FBXO34: variants seen among roughly 807,000 people sequenced by gnomAD.
FBXO34 encodes F-box protein 34.
A neutral mutation model predicts 24.5 loss-of-function variants in FBXO34; 12 were observed. The observed-to-expected ratio is 0.49, with a 90% CI of 0.31 to 0.79. FBXO34 has a LOEUF of 0.79. FBXO34 is among the 30% of genes least tolerant of loss of function. FBXO34 has a pLI of 0.04. For synonymous variants in FBXO34, 320 were observed against 311.9 expected (o/e 1.03, Z -0.27); for missense variants, 823 against 857.7 (o/e 0.96, Z 0.51).
chr14:55,442,346 G>A, the FBXO34 span, among the ~76,000 whole-genome samples: 2 of 149,796 alleles, frequency 1.3e-5, no homozygotes, highest in Non-Finnish European at 3.0e-5. Flanking sequence ...CCCAGATCAT[G>A]TCACTGCACT....
At chr14:55,372,468 G>A (rs976510206), downstream of FBXO34, among the ~76,000 whole-genome samples, 4 of 152,104 alleles carry the variant, frequency 2.6e-5, no homozygotes, top group Non-Finnish European at 5.9e-5. Flanking sequence ...TGACTGCCAG[G>A]CTAAGTCTCT....
downstream of FBXO34, among the ~76,000 whole-genome samples, chr14:55,371,464 AC>A (rs1204094094): frequency 1.8e-4 from 28 of 152,176 alleles, no homozygotes. Context: ...ATTGGAAGAT[AC>A]GCCATGGGGT....
the FBXO34 span, among the ~76,000 whole-genome samples, chr14:55,398,630 T>C: frequency 1.5e-5 from 2 of 134,860 alleles, no homozygotes; most frequent in Non-Finnish European, 3.3e-5. Context: ...TTACAAAATA[T>C]ATTGTGTGAT....
the FBXO34 span, among the ~76,000 whole-genome samples, chr14:55,402,776 C>T: frequency 2.0e-5 from 3 of 147,078 alleles, no homozygotes; most frequent in Non-Finnish European, 4.5e-5. Flanking sequence ...AAATTAGAAA[C>T]AGGCCAGGTG....
At chr14:55,307,603 C>T (rs902345147) in intron 1 of FBXO34, among the ~76,000 whole-genome samples, 4 of 152,064 alleles carry the variant, frequency 2.6e-5, no homozygotes, top group African/African-American at 9.7e-5. Context: ...GAATGGCTGG[C>T]GATTTGAGTG....
chr14:55,304,064 A>C (rs1882454611), intron 1 of FBXO34, among the ~76,000 whole-genome samples: 4 of 152,352 alleles, frequency 2.6e-5, no homozygotes, highest in Admixed American at 2.6e-4. Context: ...GCTTAGTTAC[A>C]GTGACATGTG....
At chr14:55,279,179 T>C (rs911481749) in intron 1 of FBXO34, among the ~76,000 whole-genome samples, 1 of 151,084 alleles carries the variant, frequency 6.6e-6, no homozygotes, top group Non-Finnish European at 1.5e-5. Flanking sequence ...CCCAGCTACT[T>C]GGTAGGCTGA....
intron 1 of FBXO34, among the ~76,000 whole-genome samples, chr14:55,293,800 C>G (rs1323197896): frequency 6.6e-6 from 1 of 151,302 alleles, no homozygotes; most frequent in Non-Finnish European, 1.5e-5. Context: ...GTTCAGTAAA[C>G]ATTTGTTGAA....
In FBXO34 at chr14:55,331,717, G is replaced by GTGTA. The variant is rs1474558737; in HGVS notation, c.-10-18663_-10-18662insGTAT. Among the ~76,000 whole-genome samples, 4 of 30,632 alleles carry GTGTA rather than the reference G, an allele frequency of 1.3e-4. 1 individual carries two copies. The African/African-American group carries it at 1.8e-3, about 14-fold the overall frequency. The allele number at this position is 30,632 out of a possible 152,430, so 20.1% of individuals were successfully genotyped here. On this transcript the variant is annotated intron_variant, in intron 1 of 1. Coordinates refer to ENST00000313833, the MANE Select transcript of FBXO34 (RefSeq NM_017943.4). ...TATATATATATATGTATATATATAT[G>GTGTA]TATATATATATGTATATATATATGT...
At chr14:55,311,275 A>G (rs749765359) in intron 1 of FBXO34, among the ~76,000 whole-genome samples, 6 of 152,212 alleles carry the variant, frequency 3.9e-5, no homozygotes, top group Non-Finnish European at 7.3e-5. Flanking sequence ...TAACATGAGA[A>G]CAGCATGGGA....
chr14:55,435,517 A>G, the FBXO34 span, among the ~76,000 whole-genome samples: 1 of 152,038 alleles, frequency 6.6e-6, no homozygotes, highest in African/African-American at 2.4e-5. Flanking sequence ...CTCGTGATCC[A>G]CCTGCCTCAG....
intron 3 of FBXO34, among the ~76,000 whole-genome samples, chr14:55,359,368 C>G (rs568748413): frequency 4.6e-5 from 7 of 152,192 alleles, no homozygotes; most frequent in Non-Finnish European, 8.8e-5. Context: ...TTCGTTCCAT[C>G]CAACAGTTCC....
chr14:55,316,590 C>T (rs913526790), intron 1 of FBXO34, among the ~76,000 whole-genome samples: 1 of 145,856 alleles, frequency 6.9e-6, no homozygotes, highest in Non-Finnish European at 1.5e-5. Flanking sequence ...AAGCCTAGCA[C>T]AGTGGCACAT....
the FBXO34 span, among the ~76,000 whole-genome samples, chr14:55,441,766 T>TTTTTC: frequency 1.6e-4 from 24 of 151,956 alleles, no homozygotes; most frequent in African/African-American, 5.3e-4. Context: ...ATTGATACCT[T>TTTTTC]TTTTCTTTTC....
chr14:55,356,761 T>A (rs1039553555), downstream of FBXO34, among the ~76,000 whole-genome samples: 11 of 152,052 alleles, frequency 7.2e-5, no homozygotes, highest in African/African-American at 2.7e-4. Context: ...CCTGGCTGTT[T>A]CTGTTTTTTT....
the FBXO34 span, chr14:55,438,924 A>C: frequency 7.5e-5 from 11 of 145,986 alleles, no homozygotes; most frequent in African/African-American, 2.1e-4. Flanking sequence ...AAAAAAAAAA[A>C]GTAAGTTGCT....
At chr14:55,279,340 G>T (rs113948817) in intron 1 of FBXO34, among the ~76,000 whole-genome samples, 1 of 151,828 alleles carries the variant, frequency 6.6e-6, no homozygotes, top group South Asian at 2.1e-4. Context: ...TTTCCAAGTG[G>T]TGATGAGTAT....
chr14:55,331,249 C>G (rs1594755486), intron 1 of FBXO34, among the ~76,000 whole-genome samples: 1 of 152,016 alleles, frequency 6.6e-6, no homozygotes, highest in Non-Finnish European at 1.5e-5. Flanking sequence ...AAATTTCTCC[C>G]TTCTTTGTGG....
chr14:55,438,954 T>C, the FBXO34 span: 4 of 109,708 alleles, frequency 3.6e-5, no homozygotes, highest in Admixed American at 1.9e-4. Context: ...TTTTTTTTTT[T>C]TGAGACGGAG....
Sources: allele counts gnomAD v4.1 joint callset (sites outside exome capture counted in the v4.1 genomes callset), GRCh38; gene constraint gnomAD v4.1.1; transcripts MANE v1.5; gene names NCBI Gene and HGNC (gene_info 2026-07-23, HGNC 2026-07-21).